FANCL: variants seen among roughly 807,000 people sequenced by gnomAD.
FANCL encodes FA complementation group L, also known as E3 ubiquitin-protein ligase FANCL.
FANCL carries 69 observed loss-of-function variants against 59.4 expected under a neutral mutation model. That is an observed-to-expected ratio of 1.16 (90% CI 0.96 to 1.42). The LOEUF (loss-of-function observed/expected upper bound fraction) is 1.42, where lower values mean the gene tolerates loss of function less well. Ranked by LOEUF, FANCL falls within the 40% of genes most tolerant of loss-of-function variation. The probability of loss-of-function intolerance (pLI) is 0.00; values close to 1 mark genes in which losing one functional copy is unlikely to be tolerated. For synonymous variants in FANCL, 180 were observed against 147.1 expected, an observed-to-expected ratio of 1.22 and a Z score of -1.62; for missense variants, 519 against 447.2, an observed-to-expected ratio of 1.16 and a Z score of -1.45.
chr2:58,159,605 G>A lies in FANCL; in HGVS notation c.*160C>T. On this transcript the variant is annotated 3_prime_UTR_variant, in exon 14 of 14. Coordinates refer to ENST00000233741, the MANE Select transcript of FANCL (RefSeq NM_018062.4). The stretch of plus-strand genomic sequence containing the variant: ...CCTACAATTTCCCAGTTTACTCTTA[G>A]TGAAGAGACAAACGCAGATGTTTAT... 1 of 1,613,780 alleles carries A rather than the reference G, an allele frequency of 6.2e-7. No homozygotes were observed. Among genetic ancestry groups the A allele is most frequent in the Non-Finnish European group, 8.5e-7 (1 of 1,179,794 alleles).
At chr2:58,199,982 G>A (rs1431285294) in intron 6 of FANCL, among the ~76,000 whole-genome samples, 1 of 151,588 alleles carries the variant, frequency 6.6e-6, no homozygotes, top group East Asian at 1.9e-4. Flanking sequence ...ATAATAAGTT[G>A]GCTAAAAAGA....
intron 6 of FANCL, among the ~76,000 whole-genome samples, chr2:58,200,033 T>C (rs1373766472): frequency 1.3e-5 from 2 of 151,544 alleles, no homozygotes; most frequent in East Asian, 1.9e-4. Context: ...AATCTGGCTA[T>C]GTAGAACTAA....
chr2:58,226,751 T>A lies in FANCL; in HGVS notation c.250A>T (p.Met84Leu), dbSNP rs768596921. The change falls in exon 4 of 14, where the codon ATG (methionine) becomes TTG (leucine). Residue 84 changes from methionine to leucine, a missense_variant. Met to Leu is a conservative substitution (Grantham distance 15, BLOSUM62 2). Coordinates refer to ENST00000233741, the MANE Select transcript of FANCL (RefSeq NM_018062.4). ...MQHSPDLMSFMMELKMLLEVA... is the reference protein window; with the variant it reads ...MQHSPDLMSFLMELKMLLEVA... ...ACCAAAAGCATCTTCAACTCCATCA[T>A]AAAGCTCATTAGATCAGGAGAGTGC... 2 of 1,613,090 alleles carry A rather than the reference T, an allele frequency of 1.2e-6. No homozygotes were observed. The highest frequency in any genetic ancestry group is 1.7e-6 in the Non-Finnish European group (2 of 1,179,526).
intron 5 of FANCL, among the ~76,000 whole-genome samples, chr2:58,216,331 A>C (rs1258395866): frequency 1.3e-5 from 2 of 152,152 alleles, no homozygotes; most frequent in African/African-American, 4.8e-5. Flanking sequence ...ACAGAAGAAA[A>C]TAATATCATC....
At chr2:58,227,442 T>G (rs550532294) in intron 3 of FANCL, among the ~76,000 whole-genome samples, 72 of 152,212 alleles carry the variant, frequency 4.7e-4, no homozygotes, top group African/African-American at 1.6e-3. Flanking sequence ...TCAGTAGATG[T>G]GGGAGACAGA....
intron 5 of FANCL, among the ~76,000 whole-genome samples, chr2:58,215,450 T>A (rs530433434): frequency 7.7e-4 from 117 of 152,280 alleles, no homozygotes; most frequent in African/African-American, 2.5e-3. Context: ...AATAGCTTGC[T>A]AAAGACCAAC....
intron 7 of FANCL, among the ~76,000 whole-genome samples, chr2:58,193,434 TC>T (rs1689131042): frequency 6.6e-6 from 1 of 152,064 alleles, no homozygotes; most frequent in African/African-American, 2.4e-5. Flanking sequence ...TAATTAGCTA[TC>T]GAGAAAGAAA....
intron 7 of FANCL, among the ~76,000 whole-genome samples, chr2:58,190,494 A>C (rs929144734): frequency 2.0e-5 from 3 of 151,164 alleles, no homozygotes; most frequent in Non-Finnish European, 4.4e-5. Context: ...AGGCCAAGCC[A>C]ATTAGTGGAC....
At chr2:58,205,341 A>T (rs1354569308) in intron 5 of FANCL, among the ~76,000 whole-genome samples, 1 of 149,578 alleles carries the variant, frequency 6.7e-6, no homozygotes. Flanking sequence ...ATCTGTAGAA[A>T]GTCTAGGGTC....
chr2:58,166,112 T>G (rs1388825761), intron 7 of FANCL, among the ~76,000 whole-genome samples: 9 of 151,514 alleles, frequency 5.9e-5, no homozygotes, highest in Non-Finnish European at 8.8e-5. Flanking sequence ...TTAAAAATCA[T>G]AATTTTTTTA....
chr2:58,172,176 C>A (rs1462249606), intron 7 of FANCL, among the ~76,000 whole-genome samples: 1 of 152,218 alleles, frequency 6.6e-6, no homozygotes, highest in Non-Finnish European at 1.5e-5. Context: ...GGACACGGCA[C>A]AGACAAACAA....
At chr2:58,173,047 A>G (rs563927719) in intron 7 of FANCL, among the ~76,000 whole-genome samples, 2 of 152,334 alleles carry the variant, frequency 1.3e-5, no homozygotes, top group African/African-American at 4.8e-5. Flanking sequence ...GTGACGGAAG[A>G]TGAAGTGAAT....
At chr2:58,177,946 A>G (rs1190327438) in intron 7 of FANCL, among the ~76,000 whole-genome samples, 1 of 152,150 alleles carries the variant, frequency 6.6e-6, no homozygotes, top group Non-Finnish European at 1.5e-5. Context: ...CTACTATCAC[A>G]GAATGCTATA....
intron 1 of FANCL, 88 bp downstream of exon 1, chr2:58,241,130 C>A (rs552645671): frequency 9.9e-5 from 140 of 1,407,976 alleles, no homozygotes; most frequent in Non-Finnish European, 1.3e-4. Context: ...AAGTCTGGGC[C>A]CCTAACCTCC....
intron 4 of FANCL, among the ~76,000 whole-genome samples, chr2:58,222,411 C>T (rs1366508818): frequency 9.2e-5 from 14 of 151,962 alleles, no homozygotes; most frequent in Admixed American, 9.2e-4. Flanking sequence ...TTAAAAAGTA[C>T]CTCTAAAGAA....
intron 5 of FANCL, among the ~76,000 whole-genome samples, chr2:58,206,225 TAAAA>T (rs936204227): frequency 1.3e-5 from 2 of 151,916 alleles, no homozygotes; most frequent in Non-Finnish European, 1.5e-5. Context: ...AATGGAAAAA[TAAAA>T]AAGAAAAGCA....
intron 7 of FANCL, among the ~76,000 whole-genome samples, chr2:58,195,707 A>G (rs976557220): frequency 2.0e-5 from 3 of 152,152 alleles, no homozygotes; most frequent in Non-Finnish European, 2.9e-5. Flanking sequence ...AATAAAAGGA[A>G]AAAAATATAG....
Position 58,179,848 on chromosome 2 carries a change from T to A in FANCL, c.541-13974A>T, listed in dbSNP as rs576179044. ...CTATCCATCTGACAAAGGGCTAATA[T>A]CCAGAATCTACAAGGAACTTAAATT... On this transcript the variant is annotated intron_variant, in intron 7 of 13. Transcript: ENST00000233741. Among the ~76,000 whole-genome samples, 8 of 152,002 alleles carry A rather than the reference T, an allele frequency of 5.3e-5. No individual in the cohort carries two copies. The South Asian group carries it at 1.0e-3, about 20-fold the overall frequency.
At chr2:58,219,171 AATATATATATATATATATATAT>A (rs869094167) in intron 5 of FANCL, among the ~76,000 whole-genome samples, 3 of 19,262 alleles carry the variant, frequency 1.6e-4, no homozygotes, top group African/African-American at 2.6e-4. Context: ...AAAAAAAAAA[AATATATATATATATATATATAT>A]ATATATATAT....
Sources: allele counts gnomAD v4.1 joint callset (sites outside exome capture counted in the v4.1 genomes callset), GRCh38; gene constraint gnomAD v4.1.1; transcripts MANE v1.5; gene names NCBI Gene and HGNC (gene_info 2026-07-23, HGNC 2026-07-21).